Variants in RPRD1A observed in about 807,000 individuals in gnomAD.
The protein encoded by RPRD1A is regulation of nuclear pre-mRNA domain-containing protein 1A.
Under a neutral mutation model 37.8 loss-of-function variants are expected in RPRD1A, and 9 were observed. The observed-to-expected ratio is 0.24, with a 90% CI of 0.14 to 0.42. The LOEUF (loss-of-function observed/expected upper bound fraction) is 0.42. RPRD1A is among the 10% of genes least tolerant of loss of function. RPRD1A has a pLI of 1.00. For synonymous variants in RPRD1A, 138 were observed against 139.7 expected (o/e 0.99, Z 0.08); for missense variants, 255 against 371.0 (o/e 0.69, Z 2.57).
At chr18:36,025,393 A>T in intron 6 of RPRD1A, 1 of 327,340 alleles carries the variant, frequency 3.1e-6, no homozygotes, top group South Asian at 2.6e-5. Context: ...TATGACTGTC[A>T]ACTATGAAAT....
chr18:35,992,835 CT>C lies in RPRD1A; in HGVS notation c.*315del. 5.0e-6 allele frequency: 1 copy of C among 200,244 alleles called. No individual in the cohort carries two copies. 12.4% of individuals were successfully genotyped at this position (200,244 alleles called of 1,614,324 possible). A position where few individuals can be genotyped will look rare whatever the true frequency, so the allele number is the denominator to read the frequency against. ...AATAAAGAAAAACAATTGAAAATAC[CT>C]GAAGAAATACAAACAAGAGATTTCT... On this transcript the variant is annotated 3_prime_UTR_variant, in exon 7 of 7. Transcript: ENST00000399022.
At chr18:36,058,427 A>G (rs1913945138) in intron 1 of RPRD1A, among the ~76,000 whole-genome samples, 1 of 152,244 alleles carries the variant, frequency 6.6e-6, no homozygotes, top group Non-Finnish European at 1.5e-5. Context: ...CTGTAAAATT[A>G]CAGATTGTTT....
intron 2 of RPRD1A, among the ~76,000 whole-genome samples, chr18:36,032,911 CA>C (rs1013624677): frequency 6.7e-6 from 1 of 150,072 alleles, no homozygotes. Flanking sequence ...AGGTTTGGAA[CA>C]AAAAAAAATC....
intron 1 of RPRD1A, among the ~76,000 whole-genome samples, chr18:36,055,812 A>G (rs1301864393): frequency 6.6e-6 from 1 of 152,224 alleles, no homozygotes; most frequent in African/African-American, 2.4e-5. Context: ...TCAGACATGA[A>G]AACATAATAA....
intron 6 of RPRD1A, among the ~76,000 whole-genome samples, chr18:36,019,753 T>C (rs1028512839): frequency 6.6e-6 from 1 of 152,240 alleles, no homozygotes; most frequent in Middle Eastern, 3.4e-3. Context: ...AAGAACCTGT[T>C]GGACGGCCGG....
At chr18:36,008,571 G>GTATATATATATATATA (rs1359543093) in intron 6 of RPRD1A, among the ~76,000 whole-genome samples, 3,178 of 27,480 alleles carry the variant, frequency 0.12, 185 homozygotes, top group Non-Finnish European at 0.14. Context: ...GCAAGACCTT[G>GTATATATATATATATA]TGTGTGTATA....
chr18:36,018,800 A>G (rs879632671), intron 6 of RPRD1A, among the ~76,000 whole-genome samples: 1 of 152,202 alleles, frequency 6.6e-6, no homozygotes, highest in Non-Finnish European at 1.5e-5. Flanking sequence ...ATGACAATGT[A>G]ATACAGTTGG....
At chr18:36,025,385 T>C (rs1713511667) in intron 6 of RPRD1A, 1 of 326,220 alleles carries the variant, frequency 3.1e-6, no homozygotes, top group Non-Finnish European at 5.9e-6. Flanking sequence ...TCATAATCTA[T>C]GACTGTCAAC....
chr18:36,025,849 T>A (rs930851428), intron 6 of RPRD1A: 6 of 305,400 alleles, frequency 2.0e-5, no homozygotes, highest in Non-Finnish European at 3.7e-5. Context: ...ATCAAATTCA[T>A]CTTTTAAAAA....
At chr18:36,014,177 TTAAAAA>T (rs574833827) in intron 6 of RPRD1A, among the ~76,000 whole-genome samples, 105 of 152,168 alleles carry the variant, frequency 6.9e-4, no homozygotes, top group Admixed American at 2.4e-3. Flanking sequence ...GTCATAAATA[TTAAAAA>T]TAAACAAATA....
In RPRD1A at chr18:35,998,127, G is replaced by A. The variant is rs1023111961; in HGVS notation, c.790-4827C>T. Among the ~76,000 whole-genome samples the A allele has an allele frequency of 2.0e-5, 3 of 152,218 alleles. 1 individual carries two copies. The highest frequency in any genetic ancestry group is 4.4e-5 in the Non-Finnish European group (3 of 68,038). ...TAATCCCAGCACTTCGGGAGGCCAA[G>A]GCGGGCGGATCACCTGAGGTCACGA... On this transcript the variant is annotated intron_variant, in intron 6 of 6. Coordinates refer to ENST00000399022, the MANE Select transcript of RPRD1A (RefSeq NM_018170.5).
At chr18:36,058,431 ATTGT>A (rs1171278109) in intron 1 of RPRD1A, among the ~76,000 whole-genome samples, 31 of 152,348 alleles carry the variant, frequency 2.0e-4, no homozygotes, top group African/African-American at 5.5e-4. Flanking sequence ...AAAATTACAG[ATTGT>A]TTGTTTAATG....
intron 1 of RPRD1A, among the ~76,000 whole-genome samples, chr18:36,040,082 A>G (rs1258962848): frequency 6.6e-6 from 1 of 152,238 alleles, no homozygotes; most frequent in Non-Finnish European, 1.5e-5. Flanking sequence ...TAGACTAGAA[A>G]AAGATTCTAT....
At chr18:36,045,715 A>G (rs1912907018) in intron 1 of RPRD1A, among the ~76,000 whole-genome samples, 1 of 152,238 alleles carries the variant, frequency 6.6e-6, no homozygotes, top group Non-Finnish European at 1.5e-5. Flanking sequence ...ATTAGTGAAT[A>G]ATGTGACATT....
At chr18:36,046,484 C>T (rs1033751521) in intron 1 of RPRD1A, among the ~76,000 whole-genome samples, 4 of 152,062 alleles carry the variant, frequency 2.6e-5, no homozygotes, top group Non-Finnish European at 5.9e-5. Context: ...ACCAGAGTAC[C>T]TCCTTCTCCT....
intron 6 of RPRD1A, among the ~76,000 whole-genome samples, chr18:35,998,758 T>C (rs1343967147): frequency 6.6e-6 from 1 of 152,206 alleles, no homozygotes; most frequent in Non-Finnish European, 1.5e-5. Flanking sequence ...GCATCCTTAC[T>C]CTAGGCTCCT....
chr18:35,996,860 G>A lies in RPRD1A; in HGVS notation c.790-3560C>T, dbSNP rs564446371. On this transcript the variant is annotated intron_variant, in intron 6 of 6. Coordinates refer to ENST00000399022, the MANE Select transcript of RPRD1A (RefSeq NM_018170.5). ...CAGACATGGGTGGCATGCACCTGTA[G>A]TCCCAGCTACACAGGAGACTAAAGT... 7.9e-5 allele frequency among the ~76,000 whole-genome samples: 12 copies of A among 151,314 alleles called. No individual in the cohort carries two copies. In the South Asian group the frequency reaches 2.5e-3, roughly 32 times the overall value.
chr18:36,022,974 T>C (rs77485213), intron 6 of RPRD1A, among the ~76,000 whole-genome samples: 3 of 152,020 alleles, frequency 2.0e-5, no homozygotes, highest in Non-Finnish European at 4.4e-5. Flanking sequence ...ATAACAATAA[T>C]AAAAAATTAC....
chr18:36,027,285 T>C lies in RPRD1A; in HGVS notation c.512A>G (p.Gln171Arg). The stretch of plus-strand genomic sequence containing the variant: ...ACCTGAGGCTGCATTTTCCAGATCT[T>C]GTAATGCTCTAACGAGATCTAGAGT... ...PQTLDLVRAL[Q>R]DLENAASGDA... Residue 171 changes from glutamine (Q) to arginine (R), a missense_variant, in exon 5 of 7, where the codon CAA becomes CGA. Gln to Arg is a conservative substitution (Grantham distance 43). This residue lies in a region of RPRD1A where 211 missense variants were observed against 268.9 expected (regional missense o/e 0.78). Transcript: ENST00000399022. 1.2e-6 allele frequency: 2 copies of C among 1,613,908 alleles called. No individual in the cohort carries two copies. Among genetic ancestry groups the C allele is most frequent in the Non-Finnish European group, 1.7e-6 (2 of 1,179,814 alleles).
Sources: gnomAD v4.1 joint callset for allele counts (sites outside exome capture counted in the v4.1 genomes callset) on GRCh38, gnomAD v4.1.1 for gene constraint, gnomAD v4.1.1 regional missense constraint, MANE v1.5 for transcripts, NCBI Gene and HGNC (gene_info 2026-07-23, HGNC 2026-07-21) for gene names.